TTC39B: variants seen among roughly 807,000 people sequenced by gnomAD.
TTC39B encodes the protein tetratricopeptide repeat protein 39B.
A neutral mutation model predicts 96.6 loss-of-function variants in TTC39B; 92 were observed. The ratio of observed to expected loss-of-function variants is 0.95; its 90% CI spans 0.80 to 1.13. The LOEUF is 1.13. TTC39B is among the 50% of genes most tolerant of loss of function. The pLI, the probability that TTC39B is intolerant of heterozygous loss-of-function variation, is 0.00. For missense variants in TTC39B, 955 were observed against 809.3 expected (o/e 1.18, Z -2.18); for synonymous variants, 367 against 299.4 (o/e 1.23, Z -2.33).
chr9:15,204,154 A>G (rs560597737), intron 6 of TTC39B, among the ~76,000 whole-genome samples: 2 of 152,310 alleles, frequency 1.3e-5, no homozygotes, highest in East Asian at 3.9e-4. Context: ...CAGAGACGCA[A>G]ACTCAACTCA....
chr9:15,233,430 C>A (rs1239236394), intron 2 of TTC39B, among the ~76,000 whole-genome samples: 1 of 152,126 alleles, frequency 6.6e-6, no homozygotes, highest in East Asian at 1.9e-4. Context: ...GTACTGCTGC[C>A]ATCTGGGCTC....
chr9:15,251,245 A>G (rs966035207), intron 2 of TTC39B, among the ~76,000 whole-genome samples: 1 of 152,086 alleles, frequency 6.6e-6, no homozygotes, highest in African/African-American at 2.4e-5. Context: ...TTTCCAAATT[A>G]TAAAATAGTA....
chr9:15,282,098 T>C (rs1010315570), intron 1 of TTC39B, among the ~76,000 whole-genome samples: 4 of 152,204 alleles, frequency 2.6e-5, no homozygotes, highest in Non-Finnish European at 4.4e-5. Context: ...AATTGCTTGG[T>C]GAACCAATAC....
chr9:15,233,698 G>C lies in TTC39B; in HGVS notation c.276-7686C>G, dbSNP rs1333131487. On this transcript the variant is annotated intron_variant, in intron 2 of 19. Coordinates refer to ENST00000512701, the Ensembl canonical transcript of TTC39B. ...GCTGGAGTGCAGTGGCGTGATCTCG[G>C]CTCGCTACAACATCCACCTCCCAGC... Among the ~76,000 whole-genome samples the C allele has an allele frequency of 3.3e-5, 5 of 152,272 alleles. No individual in the cohort carries two copies. In the East Asian group the frequency reaches 9.7e-4, roughly 29 times the overall value.
intron 1 of TTC39B, 86 bp from the exon 2 acceptor site, chr9:15,268,034 A>G: frequency 4.8e-6 from 6 of 1,252,166 alleles, no homozygotes; most frequent in Non-Finnish European, 6.9e-6. Flanking sequence ...GAATACACGC[A>G]TTGGGGAGAG....
At chr9:15,268,092 C>A (rs1333890184) in intron 1 of TTC39B, 144 bp from the exon 2 acceptor site, 2 of 610,256 alleles carry the variant, frequency 3.3e-6, no homozygotes, top group South Asian at 2.5e-5. Flanking sequence ...ATCAACTTAA[C>A]GCTTATGGAA....
At chr9:15,228,333 G>T (rs557079881) in intron 2 of TTC39B, among the ~76,000 whole-genome samples, 2 of 152,060 alleles carry the variant, frequency 1.3e-5, no homozygotes, top group African/African-American at 4.8e-5. Context: ...GCGTGGTGGT[G>T]GGTGCCTGTA....
chr9:15,256,387 C>T lies in TTC39B; in HGVS notation c.275+11527G>A, dbSNP rs142476452. Among the ~76,000 whole-genome samples, 1,098 of 152,214 alleles carry T rather than the reference C, an allele frequency of 7.2e-3. 11 individuals carry two copies. Among genetic ancestry groups the T allele is most frequent in the African/African-American group, 0.025 (1,020 of 41,530 alleles). ...TTACCCAGTCTAATGGATTTTGTTA[C>T]GGCAGCCCAAATGGACTAAGACAGT... On this transcript the variant is annotated intron_variant, in intron 2 of 19. Transcript: ENST00000512701.
At position 15,229,090 on chromosome 9, in the gene TTC39B, T is replaced by C. The variant is rs528177208; in HGVS notation, c.276-3078A>G. On this transcript the variant is annotated intron_variant, in intron 2 of 19. Coordinates refer to ENST00000512701, the Ensembl canonical transcript of TTC39B. ...GACATAACCCATTTATTGAAAGTAC[T>C]GTCTAGTGTTTTAAGAATGCATTTT... Among the ~76,000 whole-genome samples the C allele has an allele frequency of 3.3e-5, 5 of 152,342 alleles. No individual in the cohort carries two copies. The East Asian group carries it at 5.8e-4, about 18-fold the overall frequency.
chr9:15,255,796 T>G (rs1822729527), intron 2 of TTC39B, among the ~76,000 whole-genome samples: 1 of 152,230 alleles, frequency 6.6e-6, no homozygotes, highest in Non-Finnish European at 1.5e-5. Flanking sequence ...TAATTATATA[T>G]GCATTTGAGT....
At chr9:15,202,077 G>C (rs78550822) in intron 7 of TTC39B, among the ~76,000 whole-genome samples, 1 of 152,282 alleles carries the variant, frequency 6.6e-6, no homozygotes, top group South Asian at 2.1e-4. Context: ...TCTTTAAAAG[G>C]CTAAAGCAGC....
At chr9:15,231,096 AT>A (rs1420377250) in intron 2 of TTC39B, among the ~76,000 whole-genome samples, 1 of 152,160 alleles carries the variant, frequency 6.6e-6, no homozygotes, top group Non-Finnish European at 1.5e-5. Flanking sequence ...GAATTGCTAC[AT>A]TATGTGGTAA....
chr9:15,245,075 T>C (rs2131484431), intron 2 of TTC39B, among the ~76,000 whole-genome samples: 1 of 152,368 alleles, frequency 6.6e-6, no homozygotes, highest in South Asian at 2.1e-4. Flanking sequence ...GAGTAGCTTA[T>C]GAGCTTCTTA....
chr9:15,181,597 G>T (rs938389054), intron 17 of TTC39B, among the ~76,000 whole-genome samples: 5 of 152,136 alleles, frequency 3.3e-5, no homozygotes, highest in African/African-American at 1.2e-4. Context: ...AAACTGAAAT[G>T]TGGCCTCTAG....
chr9:15,189,447 T>C lies in TTC39B; in HGVS notation c.1233+127A>G, dbSNP rs1007415827. 3.3e-6 allele frequency: 3 copies of C among 919,044 alleles called. No homozygotes were observed. The African/African-American group carries it at 5.2e-5, about 16-fold the overall frequency. The allele number at this position is 919,044 out of a possible 1,614,324, so 56.9% of individuals were successfully genotyped here. Reference sequence around the variant, plus strand: ...AAGTTTTGGCTTTTTACTTATATATTTTTTTCTTTATTTTTGTCTAGTCCA... The same window carrying C: ...AAGTTTTGGCTTTTTACTTATATATCTTTTTCTTTATTTTTGTCTAGTCCA... On this transcript the variant is annotated intron_variant, in intron 13 of 19. Transcript: ENST00000512701.
At chr9:15,210,142 C>T (rs759826617) in exon 6 of TTC39B, 24 of 1,604,336 alleles carry the variant, frequency 1.5e-5, no homozygotes, top group Admixed American at 1.0e-4. Context: ...AAAGATTCTA[C>T]AACTGTGTAT....
At position 15,263,839 on chromosome 9, in the gene TTC39B, G is replaced by T. The variant is rs1192607103; in HGVS notation, c.275+4075C>A. On this transcript the variant is annotated intron_variant, in intron 2 of 19. Transcript: ENST00000512701. Reference sequence around the variant, plus strand: ...TGTGTTGCTATAACCAAGGTGAGAGGAGTGGAACAATTCAGCAACATTGAA... The same window carrying T: ...TGTGTTGCTATAACCAAGGTGAGAGTAGTGGAACAATTCAGCAACATTGAA... Among the ~76,000 whole-genome samples the T allele has an allele frequency of 2.0e-5, 3 of 152,166 alleles. No homozygotes were observed. The East Asian group carries it at 5.8e-4, about 29-fold the overall frequency.
intron 1 of TTC39B, among the ~76,000 whole-genome samples, chr9:15,285,582 C>T (rs573380857): frequency 7.9e-4 from 121 of 152,212 alleles, no homozygotes; most frequent in Non-Finnish European, 1.2e-3. Context: ...AGGCCGGGAG[C>T]GGTGGCTCAC....
At chr9:15,297,649 C>A (rs998278258) in intron 1 of TTC39B, among the ~76,000 whole-genome samples, 9 of 152,096 alleles carry the variant, frequency 5.9e-5, no homozygotes, top group African/African-American at 2.2e-4. Flanking sequence ...TATTAGGTAC[C>A]CTTGGGTCGT....
Sources: gnomAD v4.1 joint callset for allele counts (sites outside exome capture counted in the v4.1 genomes callset) on GRCh38, gnomAD v4.1.1 for gene constraint, MANE v1.5 for transcripts, NCBI Gene and HGNC (gene_info 2026-07-23, HGNC 2026-07-21) for gene names.